Variants in ZNF689 observed in about 807,000 individuals in gnomAD.
The protein encoded by ZNF689 is short ORF-encoded histone-binding protein.
In ZNF689, 14 loss-of-function variants were observed where a neutral mutation model predicts 37.2. The observed-to-expected ratio is 0.38, with a 90% CI of 0.25 to 0.59. The LOEUF is 0.59. Among genes scored for constraint, ZNF689 ranks in the 20% least tolerant of loss-of-function variants. ZNF689 has a pLI of 0.68. For synonymous variants in ZNF689, 277 were observed against 283.3 expected (o/e 0.98, Z 0.22); for missense variants, 573 against 700.2 (o/e 0.82, Z 2.05).
In ZNF689 at chr16:30,605,527, T is replaced by A. The variant is rs1201732087; in HGVS notation, c.320-80A>T. On this transcript the variant is annotated intron_variant, in intron 2 of 2. Coordinates refer to ENST00000287461, the MANE Select transcript of ZNF689 (RefSeq NM_138447.3). This position sits in a 1 kb window ranked among gnomAD's most constrained non-coding sequence, Gnocchi z 5.1. Reference sequence around the variant, plus strand: ...ATTACATTATAGGTTACAAGACCAATAGACTCACCCCCTGGTCTCAATTCC... The same window carrying A: ...ATTACATTATAGGTTACAAGACCAAAAGACTCACCCCCTGGTCTCAATTCC... 3.5e-6 allele frequency: 5 copies of A among 1,415,396 alleles called. No homozygotes were observed. The South Asian group carries it at 6.7e-5, about 19-fold the overall frequency. 87.7% of individuals were successfully genotyped at this position (1,415,396 alleles called of 1,614,324 possible). A position where few individuals can be genotyped will look rare whatever the true frequency, so the allele number is the denominator to read the frequency against.
Position 30,610,056 on chromosome 16 carries a change from C to G in ZNF689, c.-15G>C. The G allele has an allele frequency of 6.4e-7, 1 of 1,570,218 alleles. No homozygotes were observed. Among genetic ancestry groups the G allele is most frequent in the Admixed American group, 1.9e-5 (1 of 53,482 alleles). On this transcript the variant is annotated 5_prime_UTR_variant, in exon 1 of 3. Transcript: ENST00000287461. ...GGTGGCGCCATGGGACCCGAGAAGC[C>G]GGCGCCACGGCCTTCCGTGTCCAGG... is the stretch of plus-strand genomic sequence containing the variant.
rs766453181 is a variant in ZNF689, at chr16:30,609,536, G to A, written c.308C>T (p.Thr103Ile). Residue 103 changes from threonine (T) to isoleucine (I), a missense_variant, in exon 2 of 3, where the codon ACA (threonine) becomes ATA (isoleucine). Thr to Ile is a moderately conservative substitution (Grantham distance 89). This residue lies in a region of ZNF689 where 252 missense variants were observed against 313.3 expected (regional missense o/e 0.80). Transcript: ENST00000287461. ...LDPQEYPRGL[T>I]VQRKSRTRKK... Reference sequence around the variant, plus strand: ...TATTTAGCACTCACTTCTCTGGACTGTTAGCCCTCTCGGGTACTCCTGCGG... The same window carrying A: ...TATTTAGCACTCACTTCTCTGGACTATTAGCCCTCTCGGGTACTCCTGCGG... The A allele has an allele frequency of 1.2e-6, 2 of 1,614,046 alleles. No individual in the cohort carries two copies. The highest frequency in any genetic ancestry group is 4.5e-5 in the East Asian group (2 of 44,880).
rs953069805 is a variant in ZNF689 at position 30,602,649 on chromosome 16, G to A, written c.*1615C>T. 2.0e-5 allele frequency: 3 copies of A among 152,152 alleles called. No individual in the cohort carries two copies. The highest frequency in any genetic ancestry group is 4.8e-5 in the African/African-American group (2 of 41,430). 9.4% of individuals were successfully genotyped at this position (152,152 alleles called of 1,614,324 possible). ...CCAAGGAGAAACAAACAGTTACAAT[G>A]TTACAATGCAACTTGCTAAATATTG... On this transcript the variant is annotated 3_prime_UTR_variant, in exon 3 of 3. Coordinates refer to ENST00000287461, the MANE Select transcript of ZNF689 (RefSeq NM_138447.3).
rs1223462220 is a variant in ZNF689 at position 30,610,027 on chromosome 16, C to T, written c.15G>A (p.Ser5=). The part of the protein sequence containing the change: MAPP[S]APLPAQGPGK... ...CTGGTCCCTGCGCAGGGAGCGGAGC[C>T]GAAGGTGGCGCCATGGGACCCGAGA... Residue 5 remains serine (S), a synonymous_variant, in exon 1 of 3, where the codon TCG becomes TCA. Transcript: ENST00000287461. The T allele has an allele frequency of 2.5e-6, 4 of 1,597,506 alleles. No individual in the cohort carries two copies. The highest frequency in any genetic ancestry group is 1.7e-6 in the Non-Finnish European group (2 of 1,173,622).
In ZNF689 at chr16:30,604,162, C is replaced by G. The variant is rs577606801; in HGVS notation, c.*102G>C. 5 of 1,277,500 alleles carry G rather than the reference C, an allele frequency of 3.9e-6. No individual in the cohort carries two copies. The South Asian group carries it at 5.0e-5, about 13-fold the overall frequency. The allele number at this position is 1,277,500 out of a possible 1,614,324, so 79.1% of individuals were successfully genotyped here. A position where few individuals can be genotyped will look rare whatever the true frequency, so the allele number is the denominator to read the frequency against. On this transcript the variant is annotated 3_prime_UTR_variant, in exon 3 of 3. Coordinates refer to ENST00000287461, the MANE Select transcript of ZNF689 (RefSeq NM_138447.3). The surrounding 1 kb of genome is among the most constrained non-coding windows in gnomAD (Gnocchi z 5.2). ...AAGTTCAGCTCTGTGCAGCAGGAGA[C>G]CCGGGTTTAGTTCTGACTCTGCCCT... is the stretch of plus-strand genomic sequence containing the variant.
chr16:30,605,263 C>T lies in ZNF689; in HGVS notation c.504G>A (p.Lys168=), dbSNP rs2052024844. 2 of 1,611,364 alleles carry T rather than the reference C, an allele frequency of 1.2e-6. No homozygotes were observed. Among genetic ancestry groups the T allele is most frequent in the East Asian group, 2.2e-5 (1 of 44,818 alleles). The change falls in exon 3 of 3, where the codon AAG becomes AAA. Residue 168 remains lysine, a synonymous_variant. Transcript: ENST00000287461. The surrounding 1 kb of genome is among the most constrained non-coding windows in gnomAD (Gnocchi z 5.1). Reference sequence around the variant, plus strand: ...AAGGCTTTTTTAGATTCTGGGCGCACTTGTGGCTCTCCAGGGCCTGATGAT... The same window carrying T: ...AAGGCTTTTTTAGATTCTGGGCGCATTTGTGGCTCTCCAGGGCCTGATGAT... ...FPDHQALESH[K]CAQNLKKPYP...
Position 30,604,288 on chromosome 16 carries a change from G to A in ZNF689, c.1479C>T (p.Ser493=), listed in dbSNP as rs547115278. The part of the protein sequence containing the change: ...NCSPRSAIGG[S]SQRGNAH ...TCTAATGGGCGTTGCCCCTCTGACT[G>A]GAGCCCCCGATAGCAGATCTAGGGC... The change falls in exon 3 of 3, where the codon TCC becomes TCT. Residue 493 remains serine, a synonymous_variant. Coordinates refer to ENST00000287461, the MANE Select transcript of ZNF689 (RefSeq NM_138447.3). The surrounding 1 kb of genome is among the most constrained non-coding windows in gnomAD (Gnocchi z 5.2). The A allele has an allele frequency of 1.2e-6, 2 of 1,614,148 alleles. No homozygotes were observed. Among genetic ancestry groups the A allele is most frequent in the East Asian group, 4.5e-5 (2 of 44,888 alleles).
chr16:30,604,960 G>A lies in ZNF689; in HGVS notation c.807C>T (p.Arg269=). ...TGGCTAGCAGGGAGGGGTAGGCGAAGCGACGTCCACAGCTAGGGCACTGGT... is the reference window on the plus strand; with the variant it reads ...TGGCTAGCAGGGAGGGGTAGGCGAAACGACGTCCACAGCTAGGGCACTGGT... ...KPHQCPSCGR[R]FAYPSLLAIH... Residue 269 remains arginine (R), a synonymous_variant, in exon 3 of 3, where the codon CGC becomes CGT. Transcript: ENST00000287461. This position sits in a 1 kb window ranked among gnomAD's most constrained non-coding sequence, Gnocchi z 5.2. 1 of 1,580,200 alleles carries A rather than the reference G, an allele frequency of 6.3e-7. No individual in the cohort carries two copies. The highest frequency in any genetic ancestry group is 8.6e-7 in the Non-Finnish European group (1 of 1,161,424).
chr16:30,606,034 C>T (rs2052033154), intron 2 of ZNF689, among the ~76,000 whole-genome samples: 2 of 151,990 alleles, frequency 1.3e-5, no homozygotes, highest in African/African-American at 4.8e-5. Context: ...CATGGTTGCT[C>T]ATGCCTGTAA....
chr16:30,610,349 C>A lies in ZNF689; in HGVS notation c.-308G>T. The A allele has an allele frequency of 2.5e-6, 1 of 393,642 alleles. No homozygotes were observed. Among genetic ancestry groups the A allele is most frequent in the Non-Finnish European group, 4.6e-6 (1 of 217,288 alleles). 24.4% of individuals were successfully genotyped at this position (393,642 alleles called of 1,614,324 possible). A position where few individuals can be genotyped will look rare whatever the true frequency, so the allele number is the denominator to read the frequency against. ...CTATCGATTTTATTGACCGGAGCGC[C>A]ATGCCGGCTTCCTAACCTCTTTGCC... On this transcript the variant is annotated 5_prime_UTR_variant, in exon 1 of 3. An upstream start codon of the reference 5' UTR is lost. Coordinates refer to ENST00000287461, the MANE Select transcript of ZNF689 (RefSeq NM_138447.3).
At position 30,605,726 on chromosome 16, in the gene ZNF689, G is replaced by A. The variant is rs573028654; in HGVS notation, c.320-279C>T. The stretch of plus-strand genomic sequence containing the variant: ...TTGTAATCGTAAGCACTGGGAGGCC[G>A]AGGCGGGCAGATCACAAGGTCAGGA... On this transcript the variant is annotated intron_variant, in intron 2 of 2. Transcript: ENST00000287461. The surrounding 1 kb of genome is among the most constrained non-coding windows in gnomAD (Gnocchi z 5.1). 1.3e-5 allele frequency among the ~76,000 whole-genome samples: 2 copies of A among 152,178 alleles called. No individual in the cohort carries two copies. The highest frequency in any genetic ancestry group is 6.5e-5 in the Admixed American group (1 of 15,280).
upstream of ZNF689, chr16:30,610,400 G>A (rs578153191): frequency 2.1e-5 from 5 of 238,448 alleles, no homozygotes; most frequent in South Asian, 4.1e-4. Flanking sequence ...GCTGCGATTG[G>A]GCTTCACGCC....
chr16:30,605,464 G>C lies in ZNF689; in HGVS notation c.320-17C>G. 8 of 1,601,178 alleles carry C rather than the reference G, an allele frequency of 5.0e-6. No homozygotes were observed. The highest frequency in any genetic ancestry group is 6.8e-6 in the Non-Finnish European group (8 of 1,175,138). On this transcript the variant is annotated splice_polypyrimidine_tract_variant and intron_variant, in intron 2 of 2. Coordinates refer to ENST00000287461, the MANE Select transcript of ZNF689 (RefSeq NM_138447.3). This position sits in a 1 kb window ranked among gnomAD's most constrained non-coding sequence, Gnocchi z 5.1. Reference sequence around the variant, plus strand: ...TTCTGCTTTCTATAGAAATACAGAAGCATTAATTTAACAAATACTGGGCTC... The same window carrying C: ...TTCTGCTTTCTATAGAAATACAGAACCATTAATTTAACAAATACTGGGCTC...
At chr16:30,609,684 G>C in intron 1 of ZNF689, 46 bp from the exon 2 acceptor site, 1 of 1,612,352 alleles carries the variant, frequency 6.2e-7, no homozygotes, top group Non-Finnish European at 8.5e-7. Flanking sequence ...AGATCACGCC[G>C]AGTAGTATCT....
At position 30,605,081 on chromosome 16, in the gene ZNF689, C is replaced by G. The variant is rs1056646852; in HGVS notation, c.686G>C (p.Gly229Ala). 1 of 1,614,114 alleles carries G rather than the reference C, an allele frequency of 6.2e-7. No individual in the cohort carries two copies. The highest frequency in any genetic ancestry group is 1.3e-5 in the African/African-American group (1 of 75,026). ...NLSQHQVIHTGEKPYHCPDCG... is the reference protein window; with the variant it reads ...NLSQHQVIHTAEKPYHCPDCG... ...GTCAGGGCAGTGATAGGGCTTCTCC[C>G]CTGTATGGATGACCTGGTGCTGGGA... The change falls in exon 3 of 3, where the codon GGG (glycine) becomes GCG (alanine). Residue 229 changes from glycine (G) to alanine (A), a missense_variant. Coordinates refer to ENST00000287461, the MANE Select transcript of ZNF689 (RefSeq NM_138447.3). The surrounding 1 kb of genome is among the most constrained non-coding windows in gnomAD (Gnocchi z 5.1).
chr16:30,610,429 A>C (rs113155998), upstream of ZNF689: 26 of 207,052 alleles, frequency 1.3e-4, no homozygotes, highest in Non-Finnish European at 2.2e-4. Context: ...TCCCCTCCCC[A>C]ATACGCGCGT....
In ZNF689 at chr16:30,610,107, C is replaced by G; in HGVS notation, c.-66G>C. 1.3e-6 allele frequency: 2 copies of G among 1,509,988 alleles called. No individual in the cohort carries two copies. The highest frequency in any genetic ancestry group is 2.5e-5 in the East Asian group (1 of 40,576). The allele number at this position is 1,509,988 out of a possible 1,614,324, so 93.5% of individuals were successfully genotyped here. On this transcript the variant is annotated 5_prime_UTR_variant, in exon 1 of 3. Coordinates refer to ENST00000287461, the MANE Select transcript of ZNF689 (RefSeq NM_138447.3). ...CCTCGGCCCTCGGGCGCTGGCGGCC[C>G]CTGGGATCGAGGAGCCCCTGCCGGA... is the stretch of plus-strand genomic sequence containing the variant.
rs375033446 is a variant in ZNF689, at chr16:30,605,304, C to T, written c.463G>A (p.Gly155Ser). ...TSGGPICPDC[G>S]CTFPDHQALE... is the part of the protein sequence containing the mutation. ...GCCTGATGATCAGGGAAGGTACAGC[C>T]GCAGTCAGGGCAGATGGGGCCCCCG... Residue 155 changes from glycine to serine, a missense_variant, in exon 3 of 3, where the codon GGC (glycine) becomes AGC (serine). Physicochemically the swap from Gly to Ser is moderately conservative, Grantham distance 56 (BLOSUM62 0). This residue lies in a region of ZNF689 where 252 missense variants were observed against 313.3 expected (regional missense o/e 0.80). Transcript: ENST00000287461. The surrounding 1 kb of genome is among the most constrained non-coding windows in gnomAD (Gnocchi z 5.1). 32 of 1,611,476 alleles carry T rather than the reference C, an allele frequency of 2.0e-5. No individual in the cohort carries two copies. The highest frequency in any genetic ancestry group is 2.6e-5 in the Non-Finnish European group (31 of 1,178,548).
chr16:30,605,317 G>C lies in ZNF689; in HGVS notation c.450C>G (p.Ile150Met), dbSNP rs2052025624. Reference sequence around the variant, plus strand: ...GGAAGGTACAGCCGCAGTCAGGGCAGATGGGGCCCCCGGACGTCTGCCTAG... The same window carrying C: ...GGAAGGTACAGCCGCAGTCAGGGCACATGGGGCCCCCGGACGTCTGCCTAG... ...LIPRQTSGGP[I>M]CPDCGCTFPD... Residue 150 changes from isoleucine (I) to methionine (M), a missense_variant, in exon 3 of 3, where the codon ATC (isoleucine) becomes ATG (methionine). By Grantham distance (10) the Ile-to-Met change is conservative (BLOSUM62 1). Around this residue, in one of 3 missense-constraint regions of ZNF689, gnomAD observed 252 missense variants for 313.3 expected, o/e 0.80. Coordinates refer to ENST00000287461, the MANE Select transcript of ZNF689 (RefSeq NM_138447.3). The surrounding 1 kb of genome is among the most constrained non-coding windows in gnomAD (Gnocchi z 5.1). 3 of 1,612,668 alleles carry C rather than the reference G, an allele frequency of 1.9e-6. No individual in the cohort carries two copies. Among genetic ancestry groups the C allele is most frequent in the Non-Finnish European group, 2.5e-6 (3 of 1,179,218 alleles).
Sources: allele counts gnomAD v4.1 joint callset (sites outside exome capture counted in the v4.1 genomes callset), GRCh38; gene constraint gnomAD v4.1.1; regional missense constraint gnomAD v4.1.1; non-coding constraint Gnocchi (gnomAD v3.1); transcripts MANE v1.5; gene names NCBI Gene and HGNC (gene_info 2026-07-23, HGNC 2026-07-21).